UBXN6: variants seen among roughly 807,000 people sequenced by gnomAD.
The protein encoded by UBXN6 is UBX domain protein 6, also known as UBX domain-containing protein 6.
Under a neutral mutation model 51.4 loss-of-function variants are expected in UBXN6, and 44 were observed. The ratio of observed to expected loss-of-function variants is 0.86; its 90% CI spans 0.67 to 1.10. The LOEUF (loss-of-function observed/expected upper bound fraction) is 1.10, where lower values mean the gene tolerates loss of function less well. Among genes scored for constraint, UBXN6 ranks in the 50% least tolerant of loss-of-function variants. The probability of loss-of-function intolerance (pLI) is 0.00; values close to 1 mark genes in which losing one functional copy is unlikely to be tolerated. For synonymous variants in UBXN6, 316 were observed against 263.2 expected (o/e 1.20, Z -1.94); for missense variants, 672 against 596.1 (o/e 1.13, Z -1.32).
Position 4,448,385 on chromosome 19 carries a change from T to G in UBXN6, c.472A>C (p.Ile158Leu). The G allele has an allele frequency of 6.2e-7, 1 of 1,607,174 alleles. No homozygotes were observed. The highest frequency in any genetic ancestry group is 8.5e-7 in the Non-Finnish European group (1 of 1,177,236). ...TTGTTGAACGTGTAGATCTTCATGA[T>G]GGAGGCGGCCACTGGGTCGGTGGAG... ...HFSTDPVAAS[I>L]MKIYTFNKDQ... is the part of the protein sequence containing the mutation. Residue 158 changes from isoleucine (I) to leucine (L), a missense_variant, in exon 5 of 11, where the codon ATC becomes CTC. Coordinates refer to ENST00000301281, the MANE Select transcript of UBXN6 (RefSeq NM_025241.3).
rs371480940 is a variant in UBXN6 at position 4,446,924 on chromosome 19, G to T, written c.616-4C>A. The stretch of plus-strand genomic sequence containing the variant: ...CTTCCAGGCAGTTAATGCGCTCCTG[G>T]GGGTGGAGATGGGCGTCACTGGGGG... On this transcript the variant is annotated splice_polypyrimidine_tract_variant and splice_region_variant and intron_variant, in intron 6 of 10. Transcript: ENST00000301281. The T allele has an allele frequency of 6.2e-7, 1 of 1,613,546 alleles. No homozygotes were observed. Among genetic ancestry groups the T allele is most frequent in the Non-Finnish European group, 8.5e-7 (1 of 1,179,912 alleles).
chr19:4,451,817 T>G (rs958123875), intron 4 of UBXN6, among the ~76,000 whole-genome samples: 4 of 151,552 alleles, frequency 2.6e-5, no homozygotes, highest in Non-Finnish European at 4.4e-5. Context: ...TTGTAGGAAG[T>G]TCTTTCTGTA....
intron 10 of UBXN6, 142 bp from the exon 11 acceptor site, chr19:4,445,765 T>G (rs1487958202): frequency 3.0e-6 from 4 of 1,345,586 alleles, no homozygotes; most frequent in Non-Finnish European, 4.0e-6. Context: ...CACCCAGGCC[T>G]CCTGCCCTCT....
Position 4,446,134 on chromosome 19 carries a change from C to T in UBXN6, c.1115G>A (p.Ser372Asn). ...CAGCAGCTCAAAAGGCAGCCAGTCG[C>T]TCTGCAGGGCCTCCCGGACGAACCC... ...VYGFVREALQ[S>N]DWLPFELLAS... is the part of the protein sequence containing the mutation. The change falls in exon 10 of 11, where the codon AGC becomes AAC. Residue 372 changes from serine (S) to asparagine (N), a missense_variant. Transcript: ENST00000301281. 1.9e-6 allele frequency: 3 copies of T among 1,612,328 alleles called. No homozygotes were observed. Among genetic ancestry groups the T allele is most frequent in the Non-Finnish European group, 1.7e-6 (2 of 1,179,876 alleles).
chr19:4,447,025 C>A, intron 6 of UBXN6, 105 bp from the exon 7 acceptor site: 1 of 1,178,182 alleles, frequency 8.5e-7, no homozygotes, highest in Non-Finnish European at 1.2e-6. Flanking sequence ...GAGCAGCTGT[C>A]GACCCCTGGA....
rs8101961 is a variant in UBXN6 at position 4,446,632 on chromosome 19, G to A, written c.788C>T (p.Ala263Val). The A allele has an allele frequency of 5.1e-5, 83 of 1,612,348 alleles. No individual in the cohort carries two copies. Among genetic ancestry groups the A allele is most frequent in the Non-Finnish European group, 6.4e-5 (76 of 1,179,710 alleles). ...GTCCAGCTTGGCGCGCACGGGCTCC[G>A]CAGCCAGCAGCTGTTCCTTGTGCCT... is the stretch of plus-strand genomic sequence containing the variant. ...LERHKEQLLAAEPVRAKLDRQ... is the reference protein window; with the variant it reads ...LERHKEQLLAVEPVRAKLDRQ... Residue 263 changes from alanine (A) to valine (V), a missense_variant, in exon 8 of 11, where the codon GCG becomes GTG. Ala to Val is a moderately conservative substitution (Grantham distance 64). Transcript: ENST00000301281.
Position 4,446,045 on chromosome 19 carries a change from T to G in UBXN6, c.1200+4A>C. 6.2e-7 allele frequency: 1 copy of G among 1,608,562 alleles called. No individual in the cohort carries two copies. On this transcript the variant is annotated splice_donor_region_variant and intron_variant, in intron 10 of 10. Transcript: ENST00000301281. The stretch of plus-strand genomic sequence containing the variant: ...CAGCGGTGCTCCTGCGGGCCGACAC[T>G]CACCAGCCCGCACTCGTTCAAGGCC...
chr19:4,457,665 G>A lies in UBXN6; in HGVS notation c.33C>T (p.Asp11=), dbSNP rs1974759695. The A allele has an allele frequency of 6.2e-7, 1 of 1,601,536 alleles. No homozygotes were observed. Among genetic ancestry groups the A allele is most frequent in the Non-Finnish European group, 8.5e-7 (1 of 1,175,294 alleles). Residue 11 remains aspartate (D), a synonymous_variant, in exon 1 of 11, where the codon GAC becomes GAT. Coordinates refer to ENST00000301281, the MANE Select transcript of UBXN6 (RefSeq NM_025241.3). ...CGGGTCCCGCGCTCTTGAACTTGAT[G>A]TCGGCCTTGAACTCCTGAAAGAATT... The part of the protein sequence containing the change: MKKFFQEFKA[D]IKFKSAGPGQ...
In UBXN6 at chr19:4,445,193, G is replaced by A. The variant is rs1974478908; in HGVS notation, c.*305C>T. On this transcript the variant is annotated 3_prime_UTR_variant, in exon 11 of 11. Transcript: ENST00000301281. ...GCTGCAGGCCTGCTCTCCTGCCCAGGGAGATGCCACGTGTGTCTGTCCGGC... is the reference window on the plus strand; with the variant it reads ...GCTGCAGGCCTGCTCTCCTGCCCAGAGAGATGCCACGTGTGTCTGTCCGGC... 1.1e-5 allele frequency: 4 copies of A among 370,712 alleles called. No homozygotes were observed. The highest frequency in any genetic ancestry group is 7.5e-5 in the South Asian group (3 of 39,848). The allele number at this position is 370,712 out of a possible 1,614,324, so 23.0% of individuals were successfully genotyped here.
intron 6 of UBXN6, chr19:4,447,147 C>G: frequency 1.7e-6 from 1 of 598,556 alleles, no homozygotes. Flanking sequence ...CAACCAGGCA[C>G]GAAGAGTGAG....
intron 1 of UBXN6, among the ~76,000 whole-genome samples, chr19:4,454,359 G>A (rs1007061800): frequency 6.6e-6 from 1 of 152,188 alleles, no homozygotes; most frequent in South Asian, 2.1e-4. Context: ...CTGGCCCTCA[G>A]CGTCCTCATC....
rs747474407 is a variant in UBXN6, at chr19:4,445,456, A to T, written c.*42T>A. 1.9e-6 allele frequency: 3 copies of T among 1,612,402 alleles called. No homozygotes were observed. In the South Asian group the frequency reaches 3.3e-5, roughly 18 times the overall value. On this transcript the variant is annotated 3_prime_UTR_variant, in exon 11 of 11. Transcript: ENST00000301281. ...TGGCGGGGAGAGGAACAGGGAGAGCATGAGACAGACCCACAGGGCTGAGGC... is the reference window on the plus strand; with the variant it reads ...TGGCGGGGAGAGGAACAGGGAGAGCTTGAGACAGACCCACAGGGCTGAGGC...
At chr19:4,447,422 C>T in intron 6 of UBXN6, 128 bp downstream of exon 6, 2 of 1,005,344 alleles carry the variant, frequency 2.0e-6, no homozygotes, top group South Asian at 1.4e-5. Flanking sequence ...GAACCCTTCA[C>T]TGCTTGTGGC....
At position 4,453,479 on chromosome 19, in the gene UBXN6, G is replaced by C. The variant is rs140486278; in HGVS notation, c.291C>G (p.Pro97=). 1.2e-6 allele frequency: 2 copies of C among 1,613,622 alleles called. No homozygotes were observed. The highest frequency in any genetic ancestry group is 1.3e-5 in the African/African-American group (1 of 74,938). ...LQAEATVSGS[P]EAPGTNVVSE... is the part of the protein sequence containing the mutation. ...TTACCACGTTGGTCCCTGGGGCCTC[G>C]GGGCTCCCGCTGACGGTGGCTTCGG... The change falls in exon 3 of 11, where the codon CCC becomes CCG. Residue 97 remains proline, a synonymous_variant. Transcript: ENST00000301281.
Position 4,445,478 on chromosome 19 carries a change from A to C in UBXN6, c.*20T>G. The C allele has an allele frequency of 1.2e-6, 2 of 1,613,614 alleles. No individual in the cohort carries two copies. The highest frequency in any genetic ancestry group is 1.7e-6 in the Non-Finnish European group (2 of 1,179,898). ...AGCATGAGACAGACCCACAGGGCTG[A>C]GGCCAACCCTGCTTTTATTTCACAA... On this transcript the variant is annotated 3_prime_UTR_variant, in exon 11 of 11. Coordinates refer to ENST00000301281, the MANE Select transcript of UBXN6 (RefSeq NM_025241.3).
At position 4,446,392 on chromosome 19, in the gene UBXN6, C is replaced by A; in HGVS notation, c.942G>T (p.Leu314=). ...QRLRSEAVER[L]SVLRTKAMRE... ...GCATGGCCTTGGTCCGCAGCACGCT[C>A]AGCCGCTCCACCGCCTCGGACCTGC... The change falls in exon 9 of 11, where the codon CTG becomes CTT. Residue 314 remains leucine (L), a synonymous_variant. Coordinates refer to ENST00000301281, the MANE Select transcript of UBXN6 (RefSeq NM_025241.3). 1 of 1,578,390 alleles carries A rather than the reference C, an allele frequency of 6.3e-7. No individual in the cohort carries two copies. The highest frequency in any genetic ancestry group is 8.6e-7 in the Non-Finnish European group (1 of 1,169,310).
At chr19:4,455,320 G>C (rs529635861) in intron 1 of UBXN6, 4 of 985,116 alleles carry the variant, frequency 4.1e-6, no homozygotes, top group South Asian at 4.7e-5. Flanking sequence ...TTACATACCC[G>C]GGCAGCCCTC....
Position 4,454,182 on chromosome 19 carries a change from C to T in UBXN6, c.84-89G>A, listed in dbSNP as rs1301687745. The T allele has an allele frequency of 1.3e-5, 18 of 1,377,454 alleles. No homozygotes were observed. In the East Asian group the frequency reaches 4.0e-4, roughly 31 times the overall value. The allele number at this position is 1,377,454 out of a possible 1,614,324, so 85.3% of individuals were successfully genotyped here. A position where few individuals can be genotyped will look rare whatever the true frequency, so the allele number is the denominator to read the frequency against. Reference sequence around the variant, plus strand: ...GTCACACAGAGGAGCTTCTGCCCCTCCCCAGCACCATCAGCCAGACGTGTC... The same window carrying T: ...GTCACACAGAGGAGCTTCTGCCCCTTCCCAGCACCATCAGCCAGACGTGTC... On this transcript the variant is annotated intron_variant, in intron 1 of 10. Coordinates refer to ENST00000301281, the MANE Select transcript of UBXN6 (RefSeq NM_025241.3).
intron 10 of UBXN6, 166 bp from the exon 11 acceptor site, chr19:4,445,789 C>CA: frequency 8.2e-7 from 1 of 1,220,976 alleles, no homozygotes; most frequent in Non-Finnish European, 1.1e-6. Context: ...TCCGGGACTC[C>CA]AGGACCTAAG....
Sources: gnomAD v4.1 joint callset for allele counts (sites outside exome capture counted in the v4.1 genomes callset) on GRCh38, gnomAD v4.1.1 for gene constraint, MANE v1.5 for transcripts, NCBI Gene and HGNC (gene_info 2026-07-23, HGNC 2026-07-21) for gene names.